ENDOG: variants seen among roughly 807,000 people sequenced by gnomAD.
ENDOG encodes endonuclease G, also known as endonuclease G, mitochondrial.
A neutral mutation model predicts 22.6 loss-of-function variants in ENDOG; 22 were observed. The observed-to-expected ratio is 0.97, with a 90% CI of 0.70 to 1.39. ENDOG has a LOEUF of 1.39. ENDOG is among the 40% of genes most tolerant of loss of function. The probability of loss-of-function intolerance (pLI) is 0.00; values close to 1 mark genes in which losing one functional copy is unlikely to be tolerated. For synonymous variants in ENDOG, 173 were observed against 200.2 expected, an observed-to-expected ratio of 0.86 and a Z score of 1.15; for missense variants, 403 against 431.3, an observed-to-expected ratio of 0.93 and a Z score of 0.58.
rs748004074 is a variant in ENDOG at position 128,820,818 on chromosome 9, A to G, written c.581A>G (p.Tyr194Cys). Residue 194 changes from tyrosine to cysteine, a missense_variant, in exon 2 of 3, where the codon TAT (tyrosine) becomes TGT (cysteine). Transcript: ENST00000372642. ...TTGACCCGCAGCTACCAAAACGTCT[A>G]TGTCTGCACAGGGCCACTCTTCCTG... Reference protein sequence around the residue: ...RSLTRSYQNVYVCTGPLFLPR... With the variant: ...RSLTRSYQNVCVCTGPLFLPR... The G allele has an allele frequency of 6.8e-6, 11 of 1,611,544 alleles. No homozygotes were observed. The highest frequency in any genetic ancestry group is 6.7e-5 in the East Asian group (3 of 44,870).
chr9:128,822,126 GA>G (rs1364644150), intron 2 of ENDOG: 2 of 627,528 alleles, frequency 3.2e-6, no homozygotes, highest in East Asian at 5.6e-5. Flanking sequence ...TGGGCATAAG[GA>G]AAACAGAGGG....
In ENDOG at chr9:128,818,506, G is replaced by A. The variant is rs1589586110; in HGVS notation, c.-179G>A. On this transcript the variant is annotated 5_prime_UTR_variant, in exon 1 of 3. Transcript: ENST00000372642. Reference sequence around the variant, plus strand: ...CAAAGAAAGGACGCCGGGGACACCCGGTTGGGCTCTGCTGCTCCCTTCTGG... The same window carrying A: ...CAAAGAAAGGACGCCGGGGACACCCAGTTGGGCTCTGCTGCTCCCTTCTGG... 15 of 637,506 alleles carry A rather than the reference G, an allele frequency of 2.4e-5. No individual in the cohort carries two copies. The highest frequency in any genetic ancestry group is 3.0e-5 in the Non-Finnish European group (15 of 493,586). 39.5% of individuals were successfully genotyped at this position (637,506 alleles called of 1,614,324 possible). A position where few individuals can be genotyped will look rare whatever the true frequency, so the allele number is the denominator to read the frequency against.
rs1830046434 is a variant in ENDOG at position 128,818,757 on chromosome 9, C to T, written c.73C>T (p.Arg25Trp). The change falls in exon 1 of 3, where the codon CGG becomes TGG. Residue 25 changes from arginine to tryptophan, a missense_variant. Transcript: ENST00000372642. ...GGGTGCGGTCGTCGAGGGCTGGCGG[C>T]GGCGGCGGGAGGACGCGCGGGCGGC... ...GLGAVVEGWR[R>W]RREDARAAPG... 6 of 1,175,878 alleles carry T rather than the reference C, an allele frequency of 5.1e-6. No homozygotes were observed. The highest frequency in any genetic ancestry group is 1.6e-5 in the African/African-American group (1 of 61,976). 72.8% of individuals were successfully genotyped at this position (1,175,878 alleles called of 1,614,324 possible).
Position 128,818,864 on chromosome 9 carries a change from C to T in ENDOG, c.180C>T (p.Gly60=). The change falls in exon 1 of 3, where the codon GGC becomes GGT. Residue 60 remains glycine (G), a synonymous_variant. Coordinates refer to ENST00000372642, the MANE Select transcript of ENDOG (RefSeq NM_004435.2). ...ELPPVPGGPR[G]PGELAKYGLP... is the part of the protein sequence containing the mutation. The stretch of plus-strand genomic sequence containing the variant: ...CCCCTGTGCCCGGGGGACCCCGCGG[C>T]CCGGGCGAGCTGGCCAAGTACGGGC... 1 of 1,422,194 alleles carries T rather than the reference C, an allele frequency of 7.0e-7. No homozygotes were observed. The highest frequency in any genetic ancestry group is 9.1e-7 in the Non-Finnish European group (1 of 1,093,734). 88.1% of individuals were successfully genotyped at this position (1,422,194 alleles called of 1,614,324 possible).
intron 1 of ENDOG, 90 bp downstream of exon 1, chr9:128,819,275 G>A: frequency 7.3e-7 from 1 of 1,372,278 alleles, no homozygotes; most frequent in Non-Finnish European, 9.4e-7. Flanking sequence ...GAACGGGGCA[G>A]CTGCCCAACG....
At position 128,818,552 on chromosome 9, in the gene ENDOG, G is replaced by A; in HGVS notation, c.-133G>A. On this transcript the variant is annotated 5_prime_UTR_variant, in exon 1 of 3. Coordinates refer to ENST00000372642, the MANE Select transcript of ENDOG (RefSeq NM_004435.2). ...TCTGGGTTCCGAGGCCCAAGCCCTT[G>A]GCAGTGTTTGTGAGTGGAAGGGAGG... The A allele has an allele frequency of 7.1e-6, 7 of 982,232 alleles. No homozygotes were observed. The highest frequency in any genetic ancestry group is 8.6e-6 in the Non-Finnish European group (7 of 809,616). 60.8% of individuals were successfully genotyped at this position (982,232 alleles called of 1,614,324 possible). A position where few individuals can be genotyped will look rare whatever the true frequency, so the allele number is the denominator to read the frequency against.
At chr9:128,820,910 C>A in intron 2 of ENDOG, 62 bp downstream of exon 2, 1 of 1,447,048 alleles carries the variant, frequency 6.9e-7, no homozygotes, top group Non-Finnish European at 9.5e-7. Flanking sequence ...TACTGCCACT[C>A]ACAGGGCCAG....
At chr9:128,819,564 C>T (rs1830064858) in intron 1 of ENDOG, 1 of 218,326 alleles carries the variant, frequency 4.6e-6, no homozygotes, top group African/African-American at 2.3e-5. Context: ...AGCGCCCAAC[C>T]TATTGGGCAC....
chr9:128,822,192 T>C, intron 2 of ENDOG, 136 bp from the exon 3 acceptor site: 1 of 1,029,894 alleles, frequency 9.7e-7, no homozygotes, highest in Non-Finnish European at 1.4e-6. Context: ...CCAGGCAGGC[T>C]ACAGAAGTCT....
rs868038546 is a variant in ENDOG at position 128,819,120 on chromosome 9, G to A, written c.436G>A (p.Ala146Thr). 2.6e-6 allele frequency: 4 copies of A among 1,518,904 alleles called. No homozygotes were observed. The highest frequency in any genetic ancestry group is 1.4e-5 in the African/African-American group (1 of 69,244). 94.1% of individuals were successfully genotyped at this position (1,518,904 alleles called of 1,614,324 possible). A position where few individuals can be genotyped will look rare whatever the true frequency, so the allele number is the denominator to read the frequency against. Reference sequence around the variant, plus strand: ...CGACCGCGGTCACCTGGCCGCCGCCGCCAACCACCGCTGGAGCCAGAAGGC... The same window carrying A: ...CGACCGCGGTCACCTGGCCGCCGCCACCAACCACCGCTGGAGCCAGAAGGC... ...GFDRGHLAAA[A>T]NHRWSQKAMD... The change falls in exon 1 of 3, where the codon GCC (alanine) becomes ACC (threonine). Residue 146 changes from alanine (A) to threonine (T), a missense_variant. Coordinates refer to ENST00000372642, the MANE Select transcript of ENDOG (RefSeq NM_004435.2).
chr9:128,818,691 G>A lies in ENDOG; in HGVS notation c.7G>A (p.Ala3Thr). 7 of 1,166,624 alleles carry A rather than the reference G, an allele frequency of 6.0e-6. No individual in the cohort carries two copies. The highest frequency in any genetic ancestry group is 7.4e-6 in the Non-Finnish European group (7 of 946,148). The allele number at this position is 1,166,624 out of a possible 1,614,324, so 72.3% of individuals were successfully genotyped here. Residue 3 changes from alanine (A) to threonine (T), a missense_variant, in exon 1 of 3, where the codon GCG becomes ACG. Coordinates refer to ENST00000372642, the MANE Select transcript of ENDOG (RefSeq NM_004435.2). MR[A>T]LRAGLTLASG... ...GCTAGGTCGCTCCCCGGCCATGCGG[G>A]CGCTGCGGGCCGGCCTGACCCTGGC...
At chr9:128,821,035 C>T (rs150753964) in intron 2 of ENDOG, 187 bp downstream of exon 2, 182 of 605,554 alleles carry the variant, frequency 3.0e-4, no homozygotes, top group African/African-American at 1.6e-3. Context: ...AAAGACCTGT[C>T]GGGTACCCCT....
At chr9:128,820,152 CTG>C (rs1264665372) in intron 1 of ENDOG, 1 of 152,940 alleles carries the variant, frequency 6.5e-6, no homozygotes, top group Non-Finnish European at 1.5e-5. Context: ...GTGCCAGGCA[CTG>C]TGCACTGGGC....
At chr9:128,821,809 T>G (rs1460509654) in intron 2 of ENDOG, 3 of 166,636 alleles carry the variant, frequency 1.8e-5, no homozygotes, top group Non-Finnish European at 3.9e-5. Flanking sequence ...CAGGGCCTGG[T>G]CCATGGTAAG....
intron 2 of ENDOG, 149 bp downstream of exon 2, chr9:128,820,997 C>T (rs1167151564): frequency 4.4e-6 from 3 of 682,602 alleles, no homozygotes; most frequent in African/African-American, 3.6e-5. Flanking sequence ...TTCCCTGCCT[C>T]GAGTCCCCTC....
At chr9:128,820,879 C>A in intron 2 of ENDOG, 31 bp downstream of exon 2, 1 of 1,569,074 alleles carries the variant, frequency 6.4e-7, no homozygotes. Context: ...GCGGCAGAAC[C>A]TCCCACTCAC....
chr9:128,821,111 C>T, intron 2 of ENDOG: 1 of 522,964 alleles, frequency 1.9e-6, no homozygotes, highest in South Asian at 2.2e-5. Context: ...TCCCTGCTGT[C>T]ACCTCTTGGC....
chr9:128,819,006 G>A lies in ENDOG; in HGVS notation c.322G>A (p.Gly108Ser). Residue 108 changes from glycine to serine, a missense_variant, in exon 1 of 3, where the codon GGC (glycine) becomes AGC (serine). Physicochemically the swap from Gly to Ser is moderately conservative, Grantham distance 56. Transcript: ENST00000372642. The part of the protein sequence containing the change: ...QLRPERLRGD[G>S]DRRECDFRED... ...GCGACCCGAGCGTCTCCGCGGCGAC[G>A]GCGACCGGCGCGAGTGCGACTTCCG... The A allele has an allele frequency of 6.7e-7, 1 of 1,483,330 alleles. No individual in the cohort carries two copies. The highest frequency in any genetic ancestry group is 1.3e-5 in the South Asian group (1 of 77,528). 91.9% of individuals were successfully genotyped at this position (1,483,330 alleles called of 1,614,324 possible). A position where few individuals can be genotyped will look rare whatever the true frequency, so the allele number is the denominator to read the frequency against.
intron 1 of ENDOG, 85 bp downstream of exon 1, chr9:128,819,270 G>C (rs1830057267): frequency 2.9e-6 from 4 of 1,379,264 alleles, no homozygotes; most frequent in East Asian, 3.1e-5. Flanking sequence ...CTGCAGAACG[G>C]GGCAGCTGCC....
Sources: gnomAD v4.1 joint callset for allele counts on GRCh38, gnomAD v4.1.1 for gene constraint, MANE v1.5 for transcripts, NCBI Gene and HGNC (gene_info 2026-07-23, HGNC 2026-07-21) for gene names.